GRID2: variants seen among roughly 807,000 people sequenced by gnomAD.
GRID2 encodes glutamate receptor ionotropic, delta-2.
GRID2 carries 33 observed loss-of-function variants against 114.8 expected under a neutral mutation model. The ratio of observed to expected loss-of-function variants is 0.29; its 90% CI spans 0.22 to 0.38. The LOEUF (loss-of-function observed/expected upper bound fraction) is 0.38, where lower values mean the gene tolerates loss of function less well. GRID2 is among the 10% of genes least tolerant of loss of function. GRID2 has a pLI of 1.00. For missense variants in GRID2, 1,184 were observed against 1,257.7 expected (o/e 0.94, Z 0.89); for synonymous variants, 505 against 449.9 (o/e 1.12, Z -1.55).
chr4:92,481,202 A>G (rs909337475), intron 1 of GRID2, among the ~76,000 whole-genome samples: 1 of 152,098 alleles, frequency 6.6e-6, no homozygotes, highest in Non-Finnish European at 1.5e-5. Flanking sequence ...AAAATTGTTT[A>G]TTATCTTTAA....
At chr4:93,053,376 T>C (rs1200545423) in intron 2 of GRID2, among the ~76,000 whole-genome samples, 1 of 151,890 alleles carries the variant, frequency 6.6e-6, no homozygotes, top group Non-Finnish European at 1.5e-5. Flanking sequence ...TTATTCATAA[T>C]AAGTGTGTAT....
At chr4:93,221,566 A>T (rs1181538198) in intron 6 of GRID2, among the ~76,000 whole-genome samples, 2 of 152,190 alleles carry the variant, frequency 1.3e-5, no homozygotes, top group Admixed American at 1.3e-4. Flanking sequence ...ATCTGTACAG[A>T]AATTGAAGTG....
At chr4:92,473,818 A>C (rs930418147) in intron 1 of GRID2, among the ~76,000 whole-genome samples, 7 of 151,934 alleles carry the variant, frequency 4.6e-5, no homozygotes, top group African/African-American at 1.7e-4. Context: ...ATTGTGTTTA[A>C]GTTTTTCAGC....
At position 92,912,393 on chromosome 4, in the gene GRID2, C is replaced by A. The variant is rs376126122; in HGVS notation, c.245-172602C>A. Among the ~76,000 whole-genome samples, 28 of 151,836 alleles carry A rather than the reference C, an allele frequency of 1.8e-4. No individual in the cohort carries two copies. In the East Asian group the frequency reaches 4.8e-3, roughly 26 times the overall value. On this transcript the variant is annotated intron_variant, in intron 2 of 15. Coordinates refer to ENST00000282020, the MANE Select transcript of GRID2 (RefSeq NM_001510.4). ...ATTAGAGATAGGTAGCATTTTGGAA[C>A]CTTAGCTGCAACACACTATTTGTAA...
chr4:93,595,485 G>T (rs13127564), intron 13 of GRID2, among the ~76,000 whole-genome samples: 2 of 151,974 alleles, frequency 1.3e-5, no homozygotes, highest in African/African-American at 4.8e-5. Context: ...TTTGTAAAAT[G>T]GGAATAATAC....
At chr4:92,607,878 C>G (rs1407636768) in intron 2 of GRID2, among the ~76,000 whole-genome samples, 1 of 151,522 alleles carries the variant, frequency 6.6e-6, no homozygotes, top group South Asian at 2.1e-4. Flanking sequence ...AAAATGTGTG[C>G]GTAAACAATA....
At chr4:93,592,574 T>A (rs915179398) in intron 13 of GRID2, among the ~76,000 whole-genome samples, 12 of 152,150 alleles carry the variant, frequency 7.9e-5, no homozygotes, top group African/African-American at 2.7e-4. Context: ...CTATTAGGTC[T>A]GCTTGGTGCA....
chr4:93,434,107 A>G lies in GRID2; in HGVS notation c.1545+11139A>G, dbSNP rs552545875. On this transcript the variant is annotated intron_variant, in intron 10 of 15. Transcript: ENST00000282020. ...TCAGTGGAATGAAGCTATTGTGAAG[A>G]TGAACCAAGAAAATGAATTCAAGAA... 3.3e-5 allele frequency among the ~76,000 whole-genome samples: 5 copies of G among 152,366 alleles called. No individual in the cohort carries two copies. The East Asian group carries it at 5.8e-4, about 18-fold the overall frequency.
intron 5 of GRID2, among the ~76,000 whole-genome samples, chr4:93,211,032 A>T (rs1161641101): frequency 6.6e-6 from 1 of 152,092 alleles, no homozygotes; most frequent in Non-Finnish European, 1.5e-5. Flanking sequence ...AAATGGATTA[A>T]TCTGGACAAA....
chr4:93,218,771 A>G (rs1344656006), intron 6 of GRID2, among the ~76,000 whole-genome samples: 7 of 152,140 alleles, frequency 4.6e-5, no homozygotes, highest in Admixed American at 3.3e-4. Flanking sequence ...AAGAGGTTTA[A>G]TTTACTCACA....
chr4:92,594,683 T>C (rs922784641), intron 2 of GRID2, among the ~76,000 whole-genome samples: 1 of 152,018 alleles, frequency 6.6e-6, no homozygotes, highest in Non-Finnish European at 1.5e-5. Flanking sequence ...GATCTTGTGC[T>C]GATTCCCTTA....
At chr4:92,657,903 G>T (rs1732325919) in intron 2 of GRID2, among the ~76,000 whole-genome samples, 1 of 151,354 alleles carries the variant, frequency 6.6e-6, no homozygotes, top group Admixed American at 6.6e-5. Flanking sequence ...ATAACATGTA[G>T]ATGTGTATCT....
chr4:93,233,943 AT>A (rs1174432965), intron 7 of GRID2, among the ~76,000 whole-genome samples: 1 of 152,184 alleles, frequency 6.6e-6, no homozygotes, highest in African/African-American at 2.4e-5. Flanking sequence ...ATGAACTCTA[AT>A]AAGTTGTCAT....
intron 2 of GRID2, among the ~76,000 whole-genome samples, chr4:92,765,901 C>G (rs1738238928): frequency 6.6e-6 from 1 of 152,124 alleles, no homozygotes. Flanking sequence ...TGACCTTTGC[C>G]TCTCTGCTGA....
intron 1 of GRID2, among the ~76,000 whole-genome samples, chr4:92,372,900 T>C (rs1729184910): frequency 6.6e-6 from 1 of 151,986 alleles, no homozygotes; most frequent in African/African-American, 2.4e-5. Flanking sequence ...ATTCCGAAAA[T>C]TATTATTCTT....
At chr4:92,800,847 C>T (rs1740125651) in intron 2 of GRID2, among the ~76,000 whole-genome samples, 1 of 151,988 alleles carries the variant, frequency 6.6e-6, no homozygotes, top group Non-Finnish European at 1.5e-5. Context: ...TTGAAAGTCC[C>T]AGGCTAAAAT....
intron 2 of GRID2, among the ~76,000 whole-genome samples, chr4:92,938,909 GC>G (rs778509262): frequency 4.1e-5 from 6 of 146,840 alleles, no homozygotes; most frequent in Non-Finnish European, 7.5e-5. Flanking sequence ...ATTTTTTATG[GC>G]TGCATAGTAT....
chr4:92,622,908 G>A (rs1323888024), intron 2 of GRID2, among the ~76,000 whole-genome samples: 1 of 151,696 alleles, frequency 6.6e-6, no homozygotes, highest in Non-Finnish European at 1.5e-5. Flanking sequence ...CATGGCATTT[G>A]TTTTTAAATG....
intron 14 of GRID2, among the ~76,000 whole-genome samples, chr4:93,753,267 A>G (rs921290200): frequency 6.6e-6 from 1 of 151,812 alleles, no homozygotes; most frequent in Non-Finnish European, 1.5e-5. Context: ...TGTAATGTCC[A>G]CTCTTCTCTT....
Sources: allele counts gnomAD v4.1 joint callset (sites outside exome capture counted in the v4.1 genomes callset), GRCh38; gene constraint gnomAD v4.1.1; transcripts MANE v1.5; gene names NCBI Gene and HGNC (gene_info 2026-07-23, HGNC 2026-07-21).